TENM2: variants seen among roughly 807,000 people sequenced by gnomAD.
TENM2 encodes teneurin transmembrane protein 2, also known as teneurin-2.
TENM2 carries 52 observed loss-of-function variants against 245.2 expected under a neutral mutation model. The observed-to-expected ratio is 0.21, with a 90% CI of 0.17 to 0.27. The LOEUF (loss-of-function observed/expected upper bound fraction) is 0.27. Among genes scored for constraint, TENM2 ranks in the 10% least tolerant of loss-of-function variants. The pLI, the probability that TENM2 is intolerant of heterozygous loss-of-function variation, is 1.00. For synonymous variants in TENM2, 1,363 were observed against 1,438.9 expected, an observed-to-expected ratio of 0.95 and a Z score of 1.19; for missense variants, 3,046 against 3,666.8, an observed-to-expected ratio of 0.83 and a Z score of 4.37.
rs148912892 is a variant in TENM2, at chr5:167,726,469, T to G, written c.503-149517T>G. On this transcript the variant is annotated intron_variant, in intron 2 of 28. Transcript: ENST00000518659. ...TCCTTTTTATTTATTTACTTATTTA[T>G]TATTTTTAGAGACAGGGTCTTACTC... 4.4e-4 allele frequency among the ~76,000 whole-genome samples: 67 copies of G among 152,318 alleles called. No individual in the cohort carries two copies. In the East Asian group the frequency reaches 9.2e-3, roughly 21 times the overall value.
At chr5:167,877,776 A>T (rs766123526) in intron 3 of TENM2, among the ~76,000 whole-genome samples, 3 of 152,238 alleles carry the variant, frequency 2.0e-5, no homozygotes, top group Non-Finnish European at 4.4e-5. Flanking sequence ...AATTAAAAAT[A>T]TGTGGAAATA....
At chr5:167,944,053 C>A (rs528841502) in intron 3 of TENM2, among the ~76,000 whole-genome samples, 1 of 152,236 alleles carries the variant, frequency 6.6e-6, no homozygotes, top group East Asian at 1.9e-4. Flanking sequence ...GTAATACTTT[C>A]CTGATGATTT....
At chr5:168,264,085 A>G (rs1483465163), downstream of TENM2, 1 of 152,550 alleles carries the variant, frequency 6.6e-6, no homozygotes, top group African/African-American at 2.4e-5. Flanking sequence ...AAGACTAGGG[A>G]CAGGCAAAGA....
intron 2 of TENM2, among the ~76,000 whole-genome samples, chr5:167,389,999 A>G (rs1761660437): frequency 1.3e-5 from 2 of 151,850 alleles, no homozygotes; most frequent in East Asian, 3.9e-4. Context: ...AGCTTTTTAC[A>G]ATGTCTACAG....
chr5:167,951,757 G>A (rs1481025601), intron 3 of TENM2, among the ~76,000 whole-genome samples: 1 of 152,094 alleles, frequency 6.6e-6, no homozygotes, highest in African/African-American at 2.4e-5. Flanking sequence ...TGGGCTCACA[G>A]GTGTGTTTTG....
chr5:168,177,148 G>A (rs534475551), intron 13 of TENM2, among the ~76,000 whole-genome samples: 1 of 152,230 alleles, frequency 6.6e-6, no homozygotes, highest in African/African-American at 2.4e-5. Flanking sequence ...GAGTAGGGGA[G>A]AAGAACAGCA....
At position 168,061,962 on chromosome 5, in the gene TENM2, C is replaced by T. The variant is rs1002648752; in HGVS notation, c.1310-98C>T. On this transcript the variant is annotated intron_variant, in intron 6 of 28. Transcript: ENST00000518659. ...CATGAGTTTAATCTTAATATTAAAACAACAACAAAAAAAAACCTGGCATGT... is the reference window on the plus strand; with the variant it reads ...CATGAGTTTAATCTTAATATTAAAATAACAACAAAAAAAAACCTGGCATGT... The T allele has an allele frequency of 6.3e-6, 7 of 1,108,456 alleles. No homozygotes were observed. In the East Asian group the frequency reaches 1.3e-4, roughly 21 times the overall value. 68.7% of individuals were successfully genotyped at this position (1,108,456 alleles called of 1,614,324 possible). A position where few individuals can be genotyped will look rare whatever the true frequency, so the allele number is the denominator to read the frequency against.
chr5:167,515,456 T>C (rs554891999), intron 2 of TENM2, among the ~76,000 whole-genome samples: 1 of 151,684 alleles, frequency 6.6e-6, no homozygotes, highest in Admixed American at 6.6e-5. Context: ...AGTTTAGAAA[T>C]GTAGATCACC....
In TENM2 at chr5:167,448,500, A is replaced by C. The variant is rs184457472; in HGVS notation, c.502+73027A>C. Reference sequence around the variant, plus strand: ...TTAAGATTTGGATCGGTTTTTGAAAAAAAAGTATCTTGCTATCTCGTATGT... The same window carrying C: ...TTAAGATTTGGATCGGTTTTTGAAACAAAAGTATCTTGCTATCTCGTATGT... On this transcript the variant is annotated intron_variant, in intron 2 of 28. Coordinates refer to ENST00000518659, the Ensembl canonical transcript of TENM2. Among the ~76,000 whole-genome samples, 125 of 149,986 alleles carry C rather than the reference A, an allele frequency of 8.3e-4. 1 individual carries two copies. The highest frequency in any genetic ancestry group is 6.8e-3 in the Middle Eastern group (2 of 294).
intron 2 of TENM2, among the ~76,000 whole-genome samples, chr5:167,485,537 A>G (rs1207113360): frequency 6.6e-6 from 1 of 152,172 alleles, no homozygotes; most frequent in African/African-American, 2.4e-5. Flanking sequence ...TTTCATCTCT[A>G]ACTGTGCCTC....
At chr5:167,145,532 A>T in the TENM2 span, among the ~76,000 whole-genome samples, 1 of 152,192 alleles carries the variant, frequency 6.6e-6, no homozygotes, top group Admixed American at 6.5e-5. Context: ...GTCAATAGAA[A>T]TGGCTAGTCT....
the TENM2 span, among the ~76,000 whole-genome samples, chr5:167,177,542 G>T: frequency 3.9e-5 from 6 of 152,182 alleles, no homozygotes; most frequent in African/African-American, 1.4e-4. Context: ...ACAATTCTTA[G>T]ATCAGGTATT....
intron 2 of TENM2, among the ~76,000 whole-genome samples, chr5:167,741,875 C>G (rs192947758): frequency 6.6e-6 from 1 of 152,226 alleles, no homozygotes; most frequent in Admixed American, 6.5e-5. Context: ...TTTCTAGAAA[C>G]TGTATTAAGC....
intron 3 of TENM2, among the ~76,000 whole-genome samples, chr5:167,932,171 T>A (rs186794647): frequency 6.6e-5 from 10 of 152,280 alleles, no homozygotes; most frequent in Admixed American, 6.5e-4. Flanking sequence ...GCAGCACACA[T>A]CTTGCTGCAA....
intron 2 of TENM2, among the ~76,000 whole-genome samples, chr5:167,724,287 A>AT (rs1561708486): frequency 1.3e-5 from 2 of 150,630 alleles, no homozygotes; most frequent in African/African-American, 4.9e-5. Context: ...ATAAATTACT[A>AT]GTTTTTTTTT....
chr5:168,180,909 T>A (rs201228344), intron 13 of TENM2, among the ~76,000 whole-genome samples: 78 of 148,728 alleles, frequency 5.2e-4, no homozygotes, highest in African/African-American at 8.2e-4. Context: ...TCTTAAAATT[T>A]AAAAAAAAAA....
At chr5:167,421,205 T>C (rs73801213) in intron 2 of TENM2, among the ~76,000 whole-genome samples, 3,730 of 152,318 alleles carry the variant, frequency 0.024, 143 homozygotes, top group African/African-American at 0.08. Flanking sequence ...AAAGAAATAT[T>C]AGTCTGACTT....
At chr5:167,738,914 T>C (rs1194625212) in intron 2 of TENM2, among the ~76,000 whole-genome samples, 2 of 152,156 alleles carry the variant, frequency 1.3e-5, no homozygotes, top group Non-Finnish European at 1.5e-5. Context: ...TATCTCCACA[T>C]ATAGTCCCAT....
chr5:167,726,018 A>G (rs1388756148), intron 2 of TENM2, among the ~76,000 whole-genome samples: 2 of 152,174 alleles, frequency 1.3e-5, no homozygotes, highest in Non-Finnish European at 2.9e-5. Flanking sequence ...TATCAGAATT[A>G]TCACACCCCA....
Sources: allele counts gnomAD v4.1 joint callset (sites outside exome capture counted in the v4.1 genomes callset), GRCh38; gene constraint gnomAD v4.1.1; transcripts MANE v1.5; gene names NCBI Gene and HGNC (gene_info 2026-07-23, HGNC 2026-07-21).